Variants in SYCP1 observed in about 807,000 individuals in gnomAD.
The protein encoded by SYCP1 is cancer/testis antigen 8.
In SYCP1, 64 loss-of-function variants were observed where a neutral mutation model predicts 153.1. The ratio of observed to expected loss-of-function variants is 0.42; its 90% CI spans 0.34 to 0.51. The LOEUF is 0.51. Ranked by LOEUF, SYCP1 falls within the 20% of genes least tolerant of loss-of-function variation. The probability of loss-of-function intolerance (pLI) is 0.06; values close to 1 mark genes in which losing one functional copy is unlikely to be tolerated. For missense variants in SYCP1, 997 were observed against 1,049.0 expected (o/e 0.95, Z 0.68); for synonymous variants, 384 against 341.8 (o/e 1.12, Z -1.36).
At chr1:114,857,151 A>AAAAAAAAAAAG in intron 3 of SYCP1, 81 bp from the exon 4 acceptor site, 1 of 940,054 alleles carries the variant, frequency 1.1e-6, no homozygotes, top group Non-Finnish European at 1.5e-6. Flanking sequence ...AAAAAAAAAA[A>AAAAAAAAAAAG]AAAAAAGAGA....
intron 29 of SYCP1, 137 bp from the exon 30 acceptor site, chr1:114,984,588 C>T (rs1214718159): frequency 3.3e-6 from 2 of 608,694 alleles, no homozygotes; most frequent in East Asian, 7.9e-5. Context: ...AAATTTTTGC[C>T]TCATATACTT....
Position 114,913,105 on chromosome 1 carries a change from A to C in SYCP1, c.1602A>C (p.Thr534=), listed in dbSNP as rs773151976. Residue 534 remains threonine, a synonymous_variant, in exon 19 of 32, where the codon ACA becomes ACC. Transcript: ENST00000369522. Reference sequence around the variant, plus strand: ...AAAACAAAGAGCTCACACAGGAAACAAGTGATATGACCCTAGAACTCAAGA... The same window carrying C: ...AAAACAAAGAGCTCACACAGGAAACCAGTGATATGACCCTAGAACTCAAGA... The part of the protein sequence containing the change: ...SLENKELTQE[T]SDMTLELKNQ... 28 of 1,612,734 alleles carry C rather than the reference A, an allele frequency of 1.7e-5. No homozygotes were observed. Among genetic ancestry groups the C allele is most frequent in the Non-Finnish European group, 2.4e-5 (28 of 1,179,102 alleles).
intron 27 of SYCP1, among the ~76,000 whole-genome samples, chr1:114,961,275 TTA>T (rs1671766990): frequency 6.6e-6 from 1 of 152,206 alleles, no homozygotes; most frequent in African/African-American, 2.4e-5. Context: ...TCAATTTTGT[TTA>T]TGTTTTCAAA....
chr1:114,968,059 A>T (rs552176144), intron 27 of SYCP1, among the ~76,000 whole-genome samples: 2 of 152,298 alleles, frequency 1.3e-5, no homozygotes, highest in South Asian at 4.1e-4. Flanking sequence ...TGTTAATCTG[A>T]TGGGCTTCCC....
At chr1:114,912,622 T>C (rs1051605941) in intron 18 of SYCP1, among the ~76,000 whole-genome samples, 4 of 151,968 alleles carry the variant, frequency 2.6e-5, no homozygotes, top group Non-Finnish European at 5.9e-5. Flanking sequence ...AATATCTTAA[T>C]TAAACACAGC....
At chr1:114,972,623 A>T (rs1570894609) in intron 27 of SYCP1, among the ~76,000 whole-genome samples, 1 of 152,162 alleles carries the variant, frequency 6.6e-6, no homozygotes, top group East Asian at 1.9e-4. Flanking sequence ...GTTTCAATAA[A>T]TTTTTTGATT....
At chr1:114,875,172 ATATGTGTG>A (rs903711727) in intron 9 of SYCP1, among the ~76,000 whole-genome samples, 5 of 123,684 alleles carry the variant, frequency 4.0e-5, no homozygotes, top group African/African-American at 1.8e-4. Flanking sequence ...CATGTATTTG[ATATGTGTG>A]TGTGTGTGTG....
chr1:114,882,623 A>T (rs1666031475), intron 12 of SYCP1, among the ~76,000 whole-genome samples: 1 of 151,832 alleles, frequency 6.6e-6, no homozygotes, highest in African/African-American at 2.4e-5. Context: ...TTTTAGTCAA[A>T]GTACCTTGTT....
chr1:114,905,657 T>C lies in SYCP1; in HGVS notation c.1321-4740T>C, dbSNP rs992955397. Among the ~76,000 whole-genome samples, 9 of 152,344 alleles carry C rather than the reference T, an allele frequency of 5.9e-5. No individual in the cohort carries two copies. The South Asian group carries it at 1.7e-3, about 28-fold the overall frequency. ...TCTGGAAGAGATTGTGTAAAATTGG[T>C]ATAATTTCTTCTTTAAGTGGTAGAA... On this transcript the variant is annotated intron_variant, in intron 16 of 31. Coordinates refer to ENST00000369522, the MANE Select transcript of SYCP1 (RefSeq NM_003176.4).
At chr1:114,952,027 T>C (rs1451391067) in intron 27 of SYCP1, among the ~76,000 whole-genome samples, 1 of 152,228 alleles carries the variant, frequency 6.6e-6, no homozygotes, top group Non-Finnish European at 1.5e-5. Context: ...AGTAGTATTC[T>C]GTGGTATGGA....
At chr1:114,857,102 G>A in intron 3 of SYCP1, 130 bp from the exon 4 acceptor site, 1 of 671,168 alleles carries the variant, frequency 1.5e-6, no homozygotes, top group Non-Finnish European at 2.2e-6. Context: ...CTGCCCTCTA[G>A]TCTAGGCAAT....
chr1:114,924,170 A>G (rs1669098910), intron 21 of SYCP1, among the ~76,000 whole-genome samples: 2 of 152,114 alleles, frequency 1.3e-5, no homozygotes, highest in African/African-American at 2.4e-5. Flanking sequence ...ACCTTTTAAT[A>G]TTTGAGAATG....
chr1:114,878,315 A>G, intron 12 of SYCP1, 113 bp downstream of exon 12: 1 of 714,594 alleles, frequency 1.4e-6, no homozygotes, highest in Non-Finnish European at 2.3e-6. Flanking sequence ...TGTACTTCTC[A>G]ATCTGAGTTG....
At chr1:114,966,170 C>T (rs528732084) in intron 27 of SYCP1, among the ~76,000 whole-genome samples, 1 of 152,236 alleles carries the variant, frequency 6.6e-6, no homozygotes, top group Non-Finnish European at 1.5e-5. Flanking sequence ...GTTTCTGTTT[C>T]TGTGGGATCA....
At position 114,962,232 on chromosome 1, in the gene SYCP1, C is replaced by T. The variant is rs57461430; in HGVS notation, c.2322+14912C>T. Among the ~76,000 whole-genome samples, 1,034 of 152,060 alleles carry T rather than the reference C, an allele frequency of 6.8e-3. 7 individuals are homozygous for T. Among genetic ancestry groups the T allele is most frequent in the African/African-American group, 0.023 (972 of 41,468 alleles). ...ACTCCTGACCTCAGGTGATCCAGCCCGCCTCAGCCTCCCAAAGTGCTGGGA... is the reference window on the plus strand; with the variant it reads ...ACTCCTGACCTCAGGTGATCCAGCCTGCCTCAGCCTCCCAAAGTGCTGGGA... On this transcript the variant is annotated intron_variant, in intron 27 of 31. Transcript: ENST00000369522.
intron 16 of SYCP1, among the ~76,000 whole-genome samples, chr1:114,906,576 A>G (rs774676728): frequency 3.3e-5 from 5 of 152,110 alleles, no homozygotes; most frequent in African/African-American, 7.2e-5. Flanking sequence ...TTTAGTTTAA[A>G]ATAGTTTTAA....
intron 30 of SYCP1, 145 bp downstream of exon 30, chr1:114,985,013 C>T (rs1570918717): frequency 2.6e-6 from 1 of 381,434 alleles, no homozygotes; most frequent in Non-Finnish European, 4.2e-6. Flanking sequence ...AATGCAGATC[C>T]TTGTGCTTTT....
chr1:114,922,974 T>A (rs1361044661), intron 20 of SYCP1, among the ~76,000 whole-genome samples: 1 of 152,198 alleles, frequency 6.6e-6, no homozygotes, highest in Admixed American at 6.5e-5. Flanking sequence ...AGCAGGGCAG[T>A]CATTAAATCT....
At chr1:114,867,207 TCTC>T (rs1557755522) in intron 8 of SYCP1, among the ~76,000 whole-genome samples, 1 of 152,146 alleles carries the variant, frequency 6.6e-6, no homozygotes, top group Non-Finnish European at 1.5e-5. Context: ...ACTTTGTTCT[TCTC>T]CTTTAATATC....
Sources: allele counts gnomAD v4.1 joint callset (sites outside exome capture counted in the v4.1 genomes callset), GRCh38; gene constraint gnomAD v4.1.1; transcripts MANE v1.5; gene names NCBI Gene and HGNC (gene_info 2026-07-23, HGNC 2026-07-21).